The following ELP4 variants were observed in gnomAD, a reference collection of about 807,000 sequenced individuals.
The protein encoded by ELP4 is elongator acetyltransferase complex subunit 4.
ELP4 carries 51 observed loss-of-function variants against 48.9 expected under a neutral mutation model. The ratio of observed to expected loss-of-function variants is 1.04; its 90% CI spans 0.83 to 1.32. ELP4 has a LOEUF of 1.32. Among genes scored for constraint, ELP4 ranks in the 40% most tolerant of loss-of-function variants. The probability of loss-of-function intolerance (pLI) is 0.00; values close to 1 mark genes in which losing one functional copy is unlikely to be tolerated. For missense variants in ELP4, 519 were observed against 514.6 expected, an observed-to-expected ratio of 1.01 and a Z score of -0.08; for synonymous variants, 210 against 189.2, an observed-to-expected ratio of 1.11 and a Z score of -0.90.
At chr11:31,737,020 A>T (rs1315789808) in intron 9 of ELP4, among the ~76,000 whole-genome samples, 1 of 152,232 alleles carries the variant, frequency 6.6e-6, no homozygotes, top group African/African-American at 2.4e-5. Context: ...ATGCACACGT[A>T]TGTTTATTGC....
chr11:31,713,594 T>G (rs973021869), intron 9 of ELP4, among the ~76,000 whole-genome samples: 1 of 152,184 alleles, frequency 6.6e-6, no homozygotes, highest in African/African-American at 2.4e-5. Context: ...TTGAGCATCA[T>G]ATTATTATAT....
intron 6 of ELP4, among the ~76,000 whole-genome samples, chr11:31,628,761 T>A (rs11601105): frequency 0.36 from 55,366 of 151,804 alleles, 12,119 homozygotes; most frequent in East Asian, 0.63. Context: ...TACTTACAAT[T>A]TTATTGCAAC....
intron 9 of ELP4, among the ~76,000 whole-genome samples, chr11:31,728,505 A>G (rs551483180): frequency 1.1e-4 from 17 of 152,270 alleles, no homozygotes; most frequent in African/African-American, 3.8e-4. Context: ...TAATACCCCA[A>G]ATTTACCCAG....
chr11:31,533,368 C>CTTT (rs71060492), intron 2 of ELP4, among the ~76,000 whole-genome samples: 593 of 50,452 alleles, frequency 0.012, 123 homozygotes, highest in African/African-American at 0.047. Flanking sequence ...CCATCTCATT[C>CTTT]TTTTTTTTTT....
chr11:31,748,407 G>A (rs976501998), intron 9 of ELP4, among the ~76,000 whole-genome samples: 4 of 152,020 alleles, frequency 2.6e-5, no homozygotes, highest in African/African-American at 4.8e-5. Flanking sequence ...ACTATGCCCA[G>A]CTAATTTTTG....
chr11:31,517,061 A>C (rs544067977), intron 1 of ELP4, among the ~76,000 whole-genome samples: 1 of 152,326 alleles, frequency 6.6e-6, no homozygotes, highest in East Asian at 1.9e-4. Context: ...GCCTCACTGT[A>C]AATCGCTTAG....
At position 31,763,319 on chromosome 11, in the gene ELP4, A is replaced by G; in HGVS notation, c.1144-20074A>G. 5 of 1,154,924 alleles carry G rather than the reference A, an allele frequency of 4.3e-6. No individual in the cohort carries two copies. In the South Asian group the frequency reaches 8.0e-5, roughly 18 times the overall value. 71.5% of individuals were successfully genotyped at this position (1,154,924 alleles called of 1,614,324 possible). A position where few individuals can be genotyped will look rare whatever the true frequency, so the allele number is the denominator to read the frequency against. On this transcript the variant is annotated intron_variant, in intron 9 of 9. Coordinates refer to ENST00000640961, the MANE Select transcript of ELP4 (RefSeq NM_019040.5). ...AAAAAGATACACAATTGAGAAAGAA[A>G]ATGAGATGTTAGCTTTTTCCCCCTC... is the stretch of plus-strand genomic sequence containing the variant.
At chr11:31,643,683 G>A (rs901111997) in intron 7 of ELP4, among the ~76,000 whole-genome samples, 46 of 151,762 alleles carry the variant, frequency 3.0e-4, no homozygotes, top group African/African-American at 1.1e-3. Flanking sequence ...GATCTGAAAG[G>A]GAGCATTAAA....
chr11:31,612,733 T>A (rs191932538), intron 5 of ELP4, among the ~76,000 whole-genome samples: 1 of 152,176 alleles, frequency 6.6e-6, no homozygotes, highest in African/African-American at 2.4e-5. Flanking sequence ...GAATAAGATG[T>A]TTGAATTAGG....
intron 3 of ELP4, among the ~76,000 whole-genome samples, chr11:31,557,011 G>GA (rs891963803): frequency 2.9e-4 from 44 of 151,836 alleles, no homozygotes; most frequent in African/African-American, 9.4e-4. Context: ...TTTCATAATT[G>GA]AAAATGAATA....
At chr11:31,762,029 C>A (rs1264923764) in intron 9 of ELP4, 1 of 152,186 alleles carries the variant, frequency 6.6e-6, no homozygotes, top group Non-Finnish European at 1.5e-5. Context: ...TATAAGTTGG[C>A]TTGATTGTGA....
chr11:31,574,111 G>GT (rs2133960373), intron 3 of ELP4, among the ~76,000 whole-genome samples: 1 of 152,330 alleles, frequency 6.6e-6, no homozygotes, highest in East Asian at 1.9e-4. Context: ...TGTATAGACT[G>GT]TTTTGAAAAG....
intron 3 of ELP4, among the ~76,000 whole-genome samples, chr11:31,579,530 C>A (rs956483500): frequency 6.6e-6 from 1 of 152,064 alleles, no homozygotes; most frequent in Non-Finnish European, 1.5e-5. Flanking sequence ...GACTGGGAAC[C>A]AACCCAGATG....
At chr11:31,572,260 A>G (rs867447280) in intron 3 of ELP4, among the ~76,000 whole-genome samples, 2 of 152,218 alleles carry the variant, frequency 1.3e-5, no homozygotes, top group African/African-American at 4.8e-5. Flanking sequence ...CTGAAATCTC[A>G]TGAACTAACC....
chr11:31,516,855 A>T (rs1192781103), intron 1 of ELP4, among the ~76,000 whole-genome samples: 1 of 152,324 alleles, frequency 6.6e-6, no homozygotes, highest in South Asian at 2.1e-4. Flanking sequence ...TCATCTGAAG[A>T]TAAAAGTTAT....
intron 9 of ELP4, among the ~76,000 whole-genome samples, chr11:31,719,045 G>A (rs1458622937): frequency 1.3e-5 from 2 of 152,102 alleles, no homozygotes; most frequent in African/African-American, 4.8e-5. Context: ...GATCACTTGA[G>A]CCCAGGAGTT....
At chr11:31,707,594 A>G (rs773746729) in intron 9 of ELP4, among the ~76,000 whole-genome samples, 11 of 152,128 alleles carry the variant, frequency 7.2e-5, no homozygotes, top group Non-Finnish European at 1.6e-4. Context: ...ATATGTGACT[A>G]ATTTTATATT....
At chr11:31,595,236 A>G (rs1957651622) in intron 4 of ELP4, among the ~76,000 whole-genome samples, 1 of 152,128 alleles carries the variant, frequency 6.6e-6, no homozygotes, top group Non-Finnish European at 1.5e-5. Flanking sequence ...TGGAATTACT[A>G]TTTTTATCCT....
intron 9 of ELP4, among the ~76,000 whole-genome samples, chr11:31,703,689 C>A (rs904695196): frequency 2.6e-5 from 4 of 152,118 alleles, no homozygotes; most frequent in African/African-American, 9.7e-5. Flanking sequence ...TAGAGCAAGC[C>A]TGTGATTTCT....
Sources: gnomAD v4.1 joint callset for allele counts (sites outside exome capture counted in the v4.1 genomes callset) on GRCh38, gnomAD v4.1.1 for gene constraint, MANE v1.5 for transcripts, NCBI Gene and HGNC (gene_info 2026-07-23, HGNC 2026-07-21) for gene names.